Variants in RNF144A observed in about 807,000 individuals in gnomAD.
The protein encoded by RNF144A is ring finger protein 144A.
Under a neutral mutation model 38.7 loss-of-function variants are expected in RNF144A, and 11 were observed. The ratio of observed to expected loss-of-function variants is 0.28; its 90% confidence interval spans 0.18 to 0.47. RNF144A has a LOEUF of 0.47. Ranked by LOEUF, RNF144A falls within the 20% of genes least tolerant of loss-of-function variation. RNF144A has a pLI of 0.99. For missense variants in RNF144A, 316 were observed against 377.2 expected (o/e 0.84, Z 1.34); for synonymous variants, 149 against 143.9 (o/e 1.04, Z -0.25).
At chr2:6,999,604 G>A (rs1295616911) in intron 3 of RNF144A, among the ~76,000 whole-genome samples, 2 of 152,222 alleles carry the variant, frequency 1.3e-5, no homozygotes, top group African/African-American at 4.8e-5. Context: ...CAGGTGTCCT[G>A]GAGCTGAAAT....
chr2:6,995,644 C>T (rs1297935887), intron 2 of RNF144A, among the ~76,000 whole-genome samples: 1 of 152,198 alleles, frequency 6.6e-6, no homozygotes, highest in Non-Finnish European at 1.5e-5. Context: ...AGGAGAACGA[C>T]AGAGGCCAGA....
chr2:6,964,669 A>G (rs1178968466), intron 2 of RNF144A, among the ~76,000 whole-genome samples: 1 of 152,220 alleles, frequency 6.6e-6, no homozygotes, highest in Non-Finnish European at 1.5e-5. Context: ...TGTCCTTTGT[A>G]GGGACATGGA....
At chr2:7,003,108 CAT>C (rs1392677041) in intron 3 of RNF144A, among the ~76,000 whole-genome samples, 2 of 149,590 alleles carry the variant, frequency 1.3e-5, no homozygotes, top group Non-Finnish European at 2.9e-5. Flanking sequence ...TATATATACA[CAT>C]ATATATATTT....
chr2:6,964,977 AAAT>A (rs1193949407), intron 2 of RNF144A, among the ~76,000 whole-genome samples: 1 of 152,060 alleles, frequency 6.6e-6, no homozygotes, highest in Non-Finnish European at 1.5e-5. Flanking sequence ...ATAATAATAA[AAAT>A]AAAAAAAAGA....
At chr2:7,037,649 A>AG (rs1326812739) in intron 8 of RNF144A, among the ~76,000 whole-genome samples, 1 of 152,230 alleles carries the variant, frequency 6.6e-6, no homozygotes, top group African/African-American at 2.4e-5. Context: ...AATTTATTAA[A>AG]TGCAATCTAA....
chr2:6,939,458 A>T (rs966619129), intron 1 of RNF144A, among the ~76,000 whole-genome samples: 1 of 152,228 alleles, frequency 6.6e-6, no homozygotes, highest in African/African-American at 2.4e-5. Flanking sequence ...AGTATTCTTC[A>T]TATATTCTGA....
intron 1 of RNF144A, among the ~76,000 whole-genome samples, chr2:6,920,297 A>G (rs960876391): frequency 1.3e-5 from 2 of 152,194 alleles, no homozygotes; most frequent in Non-Finnish European, 2.9e-5. Flanking sequence ...CAGGTGGGCC[A>G]GCACCCACCT....
intron 5 of RNF144A, among the ~76,000 whole-genome samples, chr2:7,018,460 A>G (rs1671290568): frequency 6.6e-6 from 1 of 152,184 alleles, no homozygotes; most frequent in Non-Finnish European, 1.5e-5. Context: ...GACCCAGGCC[A>G]GCTGCCTTTA....
intron 1 of RNF144A, among the ~76,000 whole-genome samples, chr2:6,927,286 G>A (rs1297511383): frequency 1.3e-5 from 2 of 152,232 alleles, no homozygotes; most frequent in African/African-American, 2.4e-5. Context: ...TCTGCCTGCT[G>A]ATTGGCCGAG....
chr2:7,018,428 C>G (rs950395762), intron 5 of RNF144A, among the ~76,000 whole-genome samples: 2 of 152,212 alleles, frequency 1.3e-5, no homozygotes, highest in Admixed American at 1.3e-4. Flanking sequence ...TCGGAGGCAT[C>G]GCGGGGACGG....
At chr2:6,967,078 C>G (rs940788212) in intron 2 of RNF144A, among the ~76,000 whole-genome samples, 1 of 152,140 alleles carries the variant, frequency 6.6e-6, no homozygotes, top group African/African-American at 2.4e-5. Flanking sequence ...ACATACCATC[C>G]CCCATATGCC....
At position 7,041,804 on chromosome 2, in the gene RNF144A, G is replaced by A. The variant is rs1274540418; in HGVS notation, c.*2044G>A. The A allele has an allele frequency of 1.0e-6, 1 of 985,536 alleles. No homozygotes were observed. The highest frequency in any genetic ancestry group is 1.7e-5 in the African/African-American group (1 of 57,350). The allele number at this position is 985,536 out of a possible 1,614,324, so 61.0% of individuals were successfully genotyped here. On this transcript the variant is annotated 3_prime_UTR_variant, in exon 9 of 9. Transcript: ENST00000320892. ...GCCCATCGCATGAGCCCACACAGTA[G>A]CACCCCCGTCCTTAGGATGAGAGTC...
chr2:6,956,585 C>T (rs1194133538), intron 2 of RNF144A, among the ~76,000 whole-genome samples: 2 of 152,148 alleles, frequency 1.3e-5, no homozygotes, highest in Non-Finnish European at 1.5e-5. Flanking sequence ...ATTTAATTTG[C>T]AGTTGGGTCT....
At chr2:7,023,640 C>G (rs1671681140) in intron 6 of RNF144A, among the ~76,000 whole-genome samples, 1 of 152,184 alleles carries the variant, frequency 6.6e-6, no homozygotes, top group African/African-American at 2.4e-5. Context: ...TCTGTGTTAT[C>G]TTTCTTTAGC....
chr2:6,991,164 A>C (rs1028467731), intron 2 of RNF144A, among the ~76,000 whole-genome samples: 3 of 152,248 alleles, frequency 2.0e-5, no homozygotes, highest in Admixed American at 2.0e-4. Context: ...TTTCATGTGA[A>C]CATAAGTCTT....
chr2:7,005,619 G>C (rs750537886), intron 3 of RNF144A, among the ~76,000 whole-genome samples: 6 of 152,210 alleles, frequency 3.9e-5, no homozygotes, highest in African/African-American at 1.4e-4. Flanking sequence ...CCAGAACACA[G>C]AACAGCTTCC....
chr2:6,928,479 C>T (rs1335371698), intron 1 of RNF144A, among the ~76,000 whole-genome samples: 1 of 152,146 alleles, frequency 6.6e-6, no homozygotes, highest in African/African-American at 2.4e-5. Flanking sequence ...AAGCCTCTCC[C>T]ATACCTGTCT....
downstream of RNF144A, among the ~76,000 whole-genome samples, chr2:7,048,008 T>G (rs577967359): frequency 6.6e-6 from 1 of 152,308 alleles, no homozygotes; most frequent in South Asian, 2.1e-4. Flanking sequence ...ACACAGAGAC[T>G]TGTCTCAGCC....
In RNF144A at chr2:7,039,525, T is replaced by C; in HGVS notation, c.748-104T>C. 3 of 1,535,324 alleles carry C rather than the reference T, an allele frequency of 2.0e-6. No individual in the cohort carries two copies. In the East Asian group the frequency reaches 6.9e-5, roughly 35 times the overall value. The stretch of plus-strand genomic sequence containing the variant: ...ATGGATAGATGGATGGTTGGGTGGA[T>C]GGATGGATGGATGGATGGGTAGCTG... On this transcript the variant is annotated intron_variant, in intron 8 of 8. Transcript: ENST00000320892.
Sources: gnomAD v4.1 joint callset for allele counts (sites outside exome capture counted in the v4.1 genomes callset) on GRCh38, gnomAD v4.1.1 for gene constraint, MANE v1.5 for transcripts, NCBI Gene and HGNC (gene_info 2026-07-23, HGNC 2026-07-21) for gene names.